The following TNXB variants were observed in gnomAD, a reference collection of about 807,000 sequenced individuals.
TNXB encodes the protein tenascin XB, also known as tenascin-X.
TNXB carries 183 observed loss-of-function variants against 340.5 expected under a neutral mutation model. That is an observed-to-expected ratio of 0.54 (90% CI 0.48 to 0.61). The LOEUF (loss-of-function observed/expected upper bound fraction) is 0.61. Ranked by LOEUF, TNXB falls within the 20% of genes least tolerant of loss-of-function variation. TNXB has a pLI of 0.00. For synonymous variants in TNXB, 2,121 were observed against 2,314.5 expected (o/e 0.92, Z 2.40); for missense variants, 4,613 against 5,446.4 (o/e 0.85, Z 4.82).
rs1777448980 is a variant in TNXB, at chr6:32,053,685, GGGT to G, written c.8491_8493del (p.Thr2831del). On this transcript the variant is annotated inframe_deletion, in exon 25 of 44. Coordinates refer to ENST00000644971, the MANE Select transcript of TNXB (RefSeq NM_001365276.2). ...TCAGGGGTTGTGGTGGGCACTGCTT[GGGT>G]GGTCTCTGCTTCATCCTCTGGAGCT... 1.2e-6 allele frequency: 2 copies of G among 1,612,770 alleles called. No homozygotes were observed. Among genetic ancestry groups the G allele is most frequent in the Non-Finnish European group, 8.5e-7 (1 of 1,179,582 alleles).
chr6:32,069,030 A>T lies in TNXB; in HGVS notation c.5694T>A (p.His1898Gln). 1 of 1,612,818 alleles carries T rather than the reference A, an allele frequency of 6.2e-7. No individual in the cohort carries two copies. The highest frequency in any genetic ancestry group is 1.7e-4 in the Middle Eastern group (1 of 6,060). Residue 1898 changes from histidine (H) to glutamine (Q), a missense_variant, in exon 16 of 44, where the codon CAT becomes CAA. Physicochemically the swap from His to Gln is conservative, Grantham distance 24. Around this residue, in one of 7 missense-constraint regions of TNXB, gnomAD observed 4,327 missense variants for 4,859.4 expected, o/e 0.89. Transcript: ENST00000644971. This position sits in a 1 kb window ranked among gnomAD's most constrained non-coding sequence, Gnocchi z 6.2. ...CTCCCTCAGTCACCATCCAGGAGAG[A>T]TGCAGGGTGTGTGACGTGGCCTCCT... ...TVEEATSHTL[H>Q]LSWMVTEGEF...
chr6:32,093,369 A>G (rs1391947425), intron 4 of TNXB: 13 of 701,430 alleles, frequency 1.9e-5, no homozygotes, highest in African/African-American at 1.7e-4. Flanking sequence ...AAAAAATTCA[A>G]GCTATCTTGG....
intron 6 of TNXB, 117 bp from the exon 7 acceptor site, chr6:32,086,235 G>C: frequency 1.6e-6 from 2 of 1,273,198 alleles, no homozygotes; most frequent in Non-Finnish European, 2.1e-6. Flanking sequence ...TTCTACTTCT[G>C]GTTCCCTCAC....
intron 4 of TNXB, chr6:32,093,441 A>G (rs1443561375): frequency 2.9e-6 from 2 of 700,222 alleles, no homozygotes; most frequent in Non-Finnish European, 5.2e-6. Context: ...GAGGCAGAAC[A>G]TAGTAGGGGG....
rs1243583800 is a variant in TNXB at position 32,097,399 on chromosome 6, T to A, written c.454A>T (p.Ser152Cys). 4 of 1,609,650 alleles carry A rather than the reference T, an allele frequency of 2.5e-6. No individual in the cohort carries two copies. In the Admixed American group the frequency reaches 6.7e-5, roughly 27 times the overall value. ...GGCTCACAGGAACAGGTGCAGCGGC[T>A]CAGATCAAACACACCATGGAGACTG... ...LCSLHGVFDL[S>C]RCTCSCEPGW... Residue 152 changes from serine (S) to cysteine (C), a missense_variant, in exon 3 of 44, where the codon AGC (serine) becomes TGC (cysteine). Transcript: ENST00000644971. This position sits in a 1 kb window ranked among gnomAD's most constrained non-coding sequence, Gnocchi z 5.9.
At chr6:32,063,515 G>T (rs970592632) in intron 19 of TNXB, among the ~76,000 whole-genome samples, 1 of 152,140 alleles carries the variant, frequency 6.6e-6, no homozygotes, top group Non-Finnish European at 1.5e-5. Context: ...AGCATTTTTA[G>T]AAACCAACTT....
At position 32,047,395 on chromosome 6, in the gene TNXB, C is replaced by T. The variant is rs1487062051; in HGVS notation, c.10324+339G>A. 6.6e-6 allele frequency among the ~76,000 whole-genome samples: 1 copy of T among 152,326 alleles called. No individual in the cohort carries two copies. The highest frequency in any genetic ancestry group is 1.9e-4 in the East Asian group (1 of 5,180). On this transcript the variant is annotated intron_variant, in intron 30 of 43. Transcript: ENST00000644971. The surrounding 1 kb of genome is among the most constrained non-coding windows in gnomAD (Gnocchi z 6.2). The stretch of plus-strand genomic sequence containing the variant: ...GGAGGATGGGAACCACTACTGAGTC[C>T]AGCGCCATTCCCAGCATTATGCAGG...
rs1367023030 is a variant in TNXB at position 32,041,813 on chromosome 6, G to A, written c.12591C>T (p.Tyr4197=). 2.3e-5 allele frequency: 22 copies of A among 943,990 alleles called. No individual in the cohort carries two copies. The highest frequency in any genetic ancestry group is 3.0e-4 in the Middle Eastern group (1 of 3,356). 58.5% of individuals were successfully genotyped at this position (943,990 alleles called of 1,614,324 possible). The change falls in exon 43 of 44, where the codon TAC becomes TAT. Residue 4197 remains tyrosine (Y), a synonymous_variant. Coordinates refer to ENST00000644971, the MANE Select transcript of TNXB (RefSeq NM_001365276.2). ...RGAWWYRNCH[Y]ANLNGLYGST... ...TCCCGTAGAGCCCGTTGAGGTTGGC[G>A]TAGTGGCAGTTCCTGTACCACCAGG...
rs1582336095 is a variant in TNXB at position 32,046,002 on chromosome 6, C to T, written c.10606+173G>A. 1 of 1,369,772 alleles carries T rather than the reference C, an allele frequency of 7.3e-7. No homozygotes were observed. The highest frequency in any genetic ancestry group is 9.4e-7 in the Non-Finnish European group (1 of 1,062,152). 84.9% of individuals were successfully genotyped at this position (1,369,772 alleles called of 1,614,324 possible). A position where few individuals can be genotyped will look rare whatever the true frequency, so the allele number is the denominator to read the frequency against. ...CGCCTGGCCTGGCTCCTGCTCTGGA[C>T]TCCTTGATGGATGTTGAAGCCCACA... On this transcript the variant is annotated intron_variant, in intron 31 of 43. Coordinates refer to ENST00000644971, the MANE Select transcript of TNXB (RefSeq NM_001365276.2). The surrounding 1 kb of genome is among the most constrained non-coding windows in gnomAD (Gnocchi z 6.9).
rs776675911 is a variant in TNXB at position 32,072,900 on chromosome 6, G to A, written c.4682-602C>T. ...TGGGAAGCGGAGGTTGCAGTGAGCC[G>A]AGATCGCGCCATTGCACTCCAGCCT... is the stretch of plus-strand genomic sequence containing the variant. On this transcript the variant is annotated intron_variant, in intron 12 of 43. Transcript: ENST00000644971. This position sits in a 1 kb window ranked among gnomAD's most constrained non-coding sequence, Gnocchi z 4.4. Among the ~76,000 whole-genome samples, 1 of 152,222 alleles carries A rather than the reference G, an allele frequency of 6.6e-6. No individual in the cohort carries two copies. Among genetic ancestry groups the A allele is most frequent in the African/African-American group, 2.4e-5 (1 of 41,458 alleles).
In TNXB at chr6:32,062,340, G is replaced by T; in HGVS notation, c.6985C>A (p.Gln2329Lys). The change falls in exon 20 of 44, where the codon CAG becomes AAG. Residue 2329 changes from glutamine (Q) to lysine (K), a missense_variant. Coordinates refer to ENST00000644971, the MANE Select transcript of TNXB (RefSeq NM_001365276.2). This position sits in a 1 kb window ranked among gnomAD's most constrained non-coding sequence, Gnocchi z 4.3. ...TACTGGACCAGGAAGTGGTCAAACT[G>T]TCCCTCGGGAACCGTCCAGGACAGG... ...LSLSWTVPEG[Q>K]FDHFLVQYKN... 6.2e-7 allele frequency: 1 copy of T among 1,613,578 alleles called. No individual in the cohort carries two copies. Among genetic ancestry groups the T allele is most frequent in the Non-Finnish European group, 8.5e-7 (1 of 1,179,886 alleles).
chr6:32,055,063 T>C (rs936125527), intron 24 of TNXB, among the ~76,000 whole-genome samples: 2 of 152,234 alleles, frequency 1.3e-5, no homozygotes, highest in Non-Finnish European at 2.9e-5. Flanking sequence ...TCTTTACCAA[T>C]GGCAGCTTTG....
Position 32,041,598 on chromosome 6 carries a change from T to C in TNXB, c.12634-148A>G, listed in dbSNP as rs7756934. The stretch of plus-strand genomic sequence containing the variant: ...CCGCTGCAGAGGATTGAGGCTTAAT[T>C]CTGAGCTGGCCCTTTCCAGCCAATA... On this transcript the variant is annotated intron_variant, in intron 43 of 43. Transcript: ENST00000644971. The C allele has an allele frequency of 2.0e-3, 2,122 of 1,079,194 alleles. 97 individuals are homozygous for C. Among genetic ancestry groups the C allele is most frequent in the African/African-American group, 0.017 (1,025 of 59,844 alleles). 66.9% of individuals were successfully genotyped at this position (1,079,194 alleles called of 1,614,324 possible).
In TNXB at chr6:32,044,014, C is replaced by T. The variant is rs756774851; in HGVS notation, c.11379G>A (p.Ala3793=). The change falls in exon 34 of 44, where the codon GCG becomes GCA. Residue 3793 remains alanine, a synonymous_variant. Transcript: ENST00000644971. ...ACATGGCAAAGGCACCACCTCCGTC[C>T]GCCAGCTGGTAGGAGACTTTGAAGC... ...ADSFKVSYQL[A]DGGEPQSVQV... 2.4e-5 allele frequency: 38 copies of T among 1,590,908 alleles called. No homozygotes were observed. Among genetic ancestry groups the T allele is most frequent in the South Asian group, 7.8e-5 (7 of 89,312 alleles).
rs1778044368 is a variant in TNXB, at chr6:32,061,971, G to T, written c.7168+186C>A. Among the ~76,000 whole-genome samples, 1 of 152,122 alleles carries T rather than the reference G, an allele frequency of 6.6e-6. No homozygotes were observed. Among genetic ancestry groups the T allele is most frequent in the Non-Finnish European group, 1.5e-5 (1 of 68,014 alleles). On this transcript the variant is annotated intron_variant, in intron 20 of 43. Transcript: ENST00000644971. This position sits in a 1 kb window ranked among gnomAD's most constrained non-coding sequence, Gnocchi z 4.4. ...CACCAGCACAGCAAAACTCCCAATG[G>T]CCCCTCCCTGCTCAGGGGGAGCCAG...
chr6:32,056,773 C>T lies in TNXB; in HGVS notation c.7956G>A (p.Glu2652=). ...DSLSLSWTVP[E]GQFDHFLVQY... is the part of the protein sequence containing the mutation. ...GGACCAGGAAGTGGTCAAACTGGCC[C>T]TCGGGAACCGTCCAGGACAGGCTGA... The change falls in exon 23 of 44, where the codon GAG becomes GAA. Residue 2652 remains glutamate, a synonymous_variant. Coordinates refer to ENST00000644971, the MANE Select transcript of TNXB (RefSeq NM_001365276.2). 1.2e-6 allele frequency: 2 copies of T among 1,613,328 alleles called. No individual in the cohort carries two copies. Among genetic ancestry groups the T allele is most frequent in the Non-Finnish European group, 1.7e-6 (2 of 1,179,854 alleles).
intron 1 of TNXB, among the ~76,000 whole-genome samples, chr6:32,099,227 CT>C (rs1780584486): frequency 8.6e-6 from 1 of 116,012 alleles, no homozygotes. Flanking sequence ...TTCTCCCTCT[CT>C]CTCTCACTTT....
In TNXB at chr6:32,052,764, C is replaced by A; in HGVS notation, c.9021G>T (p.Val3007=). 5 of 1,613,756 alleles carry A rather than the reference C, an allele frequency of 3.1e-6. No homozygotes were observed. Among genetic ancestry groups the A allele is most frequent in the Middle Eastern group, 1.7e-4 (1 of 6,056 alleles). ...ATTTGCACCCGGGCTCCAGGCCCCC[C>A]ACGGTGACCTCGCTCTCCTCGCCCC... is the stretch of plus-strand genomic sequence containing the variant. ...RVRGEESEVT[V]GGLEPGCKYK... Residue 3007 remains valine, a synonymous_variant, in exon 26 of 44, where the codon GTG becomes GTT. Coordinates refer to ENST00000644971, the MANE Select transcript of TNXB (RefSeq NM_001365276.2). This position sits in a 1 kb window ranked among gnomAD's most constrained non-coding sequence, Gnocchi z 4.7.
chr6:32,044,195 C>T lies in TNXB; in HGVS notation c.11264-66G>A. Reference sequence around the variant, plus strand: ...GGAGGCTTCTCCCTACGAGTCCCCCCCTCGCCTCTGCTCCAGCACAGGCTC... The same window carrying T: ...GGAGGCTTCTCCCTACGAGTCCCCCTCTCGCCTCTGCTCCAGCACAGGCTC... On this transcript the variant is annotated intron_variant, in intron 33 of 43. Transcript: ENST00000644971. The T allele has an allele frequency of 3.7e-6, 5 of 1,352,378 alleles. 1 individual carries two copies. Among genetic ancestry groups the T allele is most frequent in the Non-Finnish European group, 5.0e-6 (5 of 993,752 alleles). 83.8% of individuals were successfully genotyped at this position (1,352,378 alleles called of 1,614,324 possible).
Sources: gnomAD v4.1 joint callset for allele counts (sites outside exome capture counted in the v4.1 genomes callset) on GRCh38, gnomAD v4.1.1 for gene constraint, gnomAD v4.1.1 regional missense constraint, Gnocchi (gnomAD v3.1) non-coding constraint, MANE v1.5 for transcripts, NCBI Gene and HGNC (gene_info 2026-07-23, HGNC 2026-07-21) for gene names.